Variants in CHD5 observed in about 807,000 individuals in gnomAD.
The protein encoded by CHD5 is chromodomain helicase DNA binding protein 5, also known as ATP-dependent chromatin remodeler CHD5.
CHD5 carries 69 observed loss-of-function variants against 230.3 expected under a neutral mutation model. That is an observed-to-expected ratio of 0.30 (90% CI 0.25 to 0.37). CHD5 has a LOEUF of 0.37. CHD5 is among the 10% of genes least tolerant of loss of function. CHD5 has a pLI of 1.00. For missense variants in CHD5, 1,827 were observed against 2,622.8 expected, an observed-to-expected ratio of 0.70 and a Z score of 6.63; for synonymous variants, 1,064 against 1,065.9, an observed-to-expected ratio of 1.00 and a Z score of 0.03.
In CHD5 at chr1:6,162,595, T is replaced by C. The variant is rs768463963; in HGVS notation, c.208-3080A>G. On this transcript the variant is annotated intron_variant, in intron 2 of 41. Coordinates refer to ENST00000262450, the MANE Select transcript of CHD5 (RefSeq NM_015557.3). ...AGCAGGCTGCAGTCAGAATGACCCT[T>C]TCCCCCTGACACCACCACGACCACA... is the stretch of plus-strand genomic sequence containing the variant. Among the ~76,000 whole-genome samples the C allele has an allele frequency of 5.5e-4, 84 of 152,010 alleles. 1 individual carries two copies. The highest frequency in any genetic ancestry group is 1.1e-3 in the Non-Finnish European group (76 of 67,998).
chr1:6,148,435 C>T (rs963077578), intron 9 of CHD5, among the ~76,000 whole-genome samples: 1 of 152,228 alleles, frequency 6.6e-6, no homozygotes, highest in Non-Finnish European at 1.5e-5. Flanking sequence ...CTTGTGTGGC[C>T]TTAGGCAGGT....
Position 6,112,139 on chromosome 1 carries a change from C to G in CHD5, c.5140+1G>C. The G allele has an allele frequency of 1.2e-6, 2 of 1,612,938 alleles. No homozygotes were observed. The highest frequency in any genetic ancestry group is 1.7e-6 in the Non-Finnish European group (2 of 1,179,312). ...CTCTGCCCAACCCCCAACCCCAATACCCGTGAAGCCCCCGTCCGCGATGTT... is the reference window on the plus strand; with the variant it reads ...CTCTGCCCAACCCCCAACCCCAATAGCCGTGAAGCCCCCGTCCGCGATGTT... On this transcript the variant is annotated splice_donor_variant, in intron 35 of 41. Coordinates refer to ENST00000262450, the MANE Select transcript of CHD5 (RefSeq NM_015557.3). LOFTEE classifies it high-confidence loss of function.
chr1:6,148,750 C>T (rs1045171200), intron 9 of CHD5, 104 bp downstream of exon 9: 36 of 835,354 alleles, frequency 4.3e-5, no homozygotes, highest in Non-Finnish European at 5.5e-5. Context: ...GGGCAGGAGC[C>T]GGCAGGGGCG....
At chr1:6,152,606 T>A in intron 5 of CHD5, 70 bp from the exon 6 acceptor site, 2 of 1,605,606 alleles carry the variant, frequency 1.2e-6, no homozygotes, top group Non-Finnish European at 1.7e-6. Flanking sequence ...ATCATCTCAC[T>A]GAGCTCTCGG....
chr1:6,129,435 C>T lies in CHD5; in HGVS notation c.3388-366G>A, dbSNP rs573171198. On this transcript the variant is annotated intron_variant, in intron 22 of 41. Coordinates refer to ENST00000262450, the MANE Select transcript of CHD5 (RefSeq NM_015557.3). This position sits in a 1 kb window ranked among gnomAD's most constrained non-coding sequence, Gnocchi z 6.8. ...GTAGGAGGCTGCATTTCCCTGTGAG[C>T]GAACCACTAATGGGACCACAAGACC... 6.6e-6 allele frequency among the ~76,000 whole-genome samples: 1 copy of T among 152,254 alleles called. No individual in the cohort carries two copies. The highest frequency in any genetic ancestry group is 1.9e-4 in the East Asian group (1 of 5,176).
rs762324110 is a variant in CHD5, at chr1:6,125,989, C to T, written c.4079-131G>A. 1.5e-6 allele frequency: 1 copy of T among 684,964 alleles called. No individual in the cohort carries two copies. The highest frequency in any genetic ancestry group is 2.6e-6 in the Non-Finnish European group (1 of 384,898). The allele number at this position is 684,964 out of a possible 1,614,324, so 42.4% of individuals were successfully genotyped here. ...ATAAAAAAGCAGTGACAATGGCCCA[C>T]ATACTTCCTGTGGGCTCATTTAGTA... On this transcript the variant is annotated intron_variant, in intron 26 of 41. Transcript: ENST00000262450. This position sits in a 1 kb window ranked among gnomAD's most constrained non-coding sequence, Gnocchi z 6.7.
intron 38 of CHD5, among the ~76,000 whole-genome samples, chr1:6,108,478 A>G (rs1394933635): frequency 8.3e-6 from 1 of 120,352 alleles, no homozygotes. Context: ...ATGGAGGGAG[A>G]ATGGAAGGAT....
At chr1:6,152,604 A>T (rs191445632) in intron 5 of CHD5, 68 bp from the exon 6 acceptor site, 1 of 1,605,462 alleles carries the variant, frequency 6.2e-7, no homozygotes, top group Non-Finnish European at 8.5e-7. Flanking sequence ...CCATCATCTC[A>T]CTGAGCTCTC....
At position 6,136,644 on chromosome 1, in the gene CHD5, G is replaced by A. The variant is rs1432381827; in HGVS notation, c.2575-6C>T. 2 of 1,613,998 alleles carry A rather than the reference G, an allele frequency of 1.2e-6. No individual in the cohort carries two copies. Among genetic ancestry groups the A allele is most frequent in the Non-Finnish European group, 1.7e-6 (2 of 1,180,016 alleles). On this transcript the variant is annotated splice_polypyrimidine_tract_variant and splice_region_variant and intron_variant, in intron 16 of 41. Coordinates refer to ENST00000262450, the MANE Select transcript of CHD5 (RefSeq NM_015557.3). ...CTGTTTAAGACCCTAAAAAACTGAG[G>A]GGAGGAGAGTGGGGCCTGTCAGGGG... is the stretch of plus-strand genomic sequence containing the variant.
intron 34 of CHD5, among the ~76,000 whole-genome samples, chr1:6,112,608 C>T (rs1354226104): frequency 6.6e-6 from 1 of 152,230 alleles, no homozygotes; most frequent in East Asian, 1.9e-4. Context: ...CAGAACATTC[C>T]AGGGCCTAGA....
At position 6,111,918 on chromosome 1, in the gene CHD5, T is replaced by C. The variant is rs373208891; in HGVS notation, c.5141-35A>G. The C allele has an allele frequency of 1.0e-5, 16 of 1,589,384 alleles. No homozygotes were observed. In the African/African-American group the frequency reaches 2.1e-4, roughly 21 times the overall value. Reference sequence around the variant, plus strand: ...AAGCCAAGGTGAGCAGGGTGAGAAGTGCCCCAGCTCTCACGCACAGGCAGG... The same window carrying C: ...AAGCCAAGGTGAGCAGGGTGAGAAGCGCCCCAGCTCTCACGCACAGGCAGG... On this transcript the variant is annotated intron_variant, in intron 35 of 41. Coordinates refer to ENST00000262450, the MANE Select transcript of CHD5 (RefSeq NM_015557.3).
chr1:6,171,793 G>C (rs532539835), intron 1 of CHD5, among the ~76,000 whole-genome samples: 6 of 152,204 alleles, frequency 3.9e-5, no homozygotes, highest in Non-Finnish European at 7.3e-5. Context: ...TGCCCGTCCC[G>C]GGTGAGGGGC....
intron 37 of CHD5, 129 bp from the exon 38 acceptor site, chr1:6,110,119 G>T: frequency 1.0e-6 from 1 of 978,158 alleles, no homozygotes; most frequent in African/African-American, 1.6e-5. Context: ...GCCATCTGCT[G>T]CCCACCCTGG....
chr1:6,124,573 G>A lies in CHD5; in HGVS notation c.4483C>T (p.Leu1495Phe). 6.2e-7 allele frequency: 1 copy of A among 1,612,470 alleles called. No individual in the cohort carries two copies. Residue 1495 changes from leucine (L) to phenylalanine (F), a missense_variant, in exon 30 of 42, where the codon CTC (leucine) becomes TTC (phenylalanine). Leu to Phe is a conservative substitution (Grantham distance 22). Around this residue, in one of 14 missense-constraint regions of CHD5, gnomAD observed 108 missense variants for 152.4 expected, o/e 0.71. Transcript: ENST00000262450. ...CGGGTCAGCACGTGCTGCCTGGAGAGGCCCTCCCGGGGCACGCCGTCTGCG... is the reference window on the plus strand; with the variant it reads ...CGGGTCAGCACGTGCTGCCTGGAGAAGCCCTCCCGGGGCACGCCGTCTGCG... Reference protein sequence around the residue: ...TFADGVPREGLSRQHVLTRIG... With the variant: ...TFADGVPREGFSRQHVLTRIG...
In CHD5 at chr1:6,146,942, A is replaced by C; in HGVS notation, c.1384-71T>G. On this transcript the variant is annotated intron_variant, in intron 9 of 41. Transcript: ENST00000262450. The surrounding 1 kb of genome is among the most constrained non-coding windows in gnomAD (Gnocchi z 5.1). ...CCCACCCTGAGGCTCCCATGACAGC[A>C]GGCTGCCATGCAGGCTCCCTCCCAT... 5 of 1,207,184 alleles carry C rather than the reference A, an allele frequency of 4.1e-6. No homozygotes were observed. The highest frequency in any genetic ancestry group is 5.7e-6 in the Non-Finnish European group (5 of 883,802). 74.8% of individuals were successfully genotyped at this position (1,207,184 alleles called of 1,614,324 possible). A position where few individuals can be genotyped will look rare whatever the true frequency, so the allele number is the denominator to read the frequency against.
chr1:6,114,936 C>T (rs1035246489), intron 33 of CHD5, among the ~76,000 whole-genome samples: 2 of 151,698 alleles, frequency 1.3e-5, no homozygotes, highest in African/African-American at 4.8e-5. Context: ...ATCACTTGAA[C>T]CCGGGAAGCA....
Position 6,109,840 on chromosome 1 carries a change from C to T in CHD5, c.5533G>A (p.Glu1845Lys), listed in dbSNP as rs1489513792. The change falls in exon 38 of 42, where the codon GAG (glutamate) becomes AAG (lysine). Residue 1845 changes from glutamate (E) to lysine (K), a missense_variant. By Grantham distance (56) the Glu-to-Lys change is moderately conservative. This residue lies in a region of CHD5 where 208 missense variants were observed against 302.0 expected (regional missense o/e 0.69). Transcript: ENST00000262450. ...LAESHQHLSK[E>K]SLAGNKPANA... ...GCAGGCTTGTTCCCAGCAAGGGACT[C>T]CTTGGACAGGTGCTGGTGGCTCTCG... 6.2e-7 allele frequency: 1 copy of T among 1,612,892 alleles called. No homozygotes were observed. The highest frequency in any genetic ancestry group is 8.5e-7 in the Non-Finnish European group (1 of 1,179,764).
At chr1:6,148,651 G>C (rs1020499394) in intron 9 of CHD5, among the ~76,000 whole-genome samples, 2 of 152,228 alleles carry the variant, frequency 1.3e-5, no homozygotes, top group African/African-American at 4.8e-5. Flanking sequence ...CTCTAGGGGA[G>C]TCAGACGCGG....
intron 1 of CHD5, among the ~76,000 whole-genome samples, chr1:6,168,650 G>C (rs143111851): frequency 1.3e-5 from 2 of 152,370 alleles, no homozygotes; most frequent in East Asian, 3.9e-4. Context: ...GGCTGATAGA[G>C]CAGAGTACAG....
Sources: allele counts gnomAD v4.1 joint callset (sites outside exome capture counted in the v4.1 genomes callset), GRCh38; gene constraint gnomAD v4.1.1; regional missense constraint gnomAD v4.1.1; non-coding constraint Gnocchi (gnomAD v3.1); transcripts MANE v1.5; gene names NCBI Gene and HGNC (gene_info 2026-07-23, HGNC 2026-07-21).